LPP: variants seen among roughly 807,000 people sequenced by gnomAD.
LPP encodes LIM domain containing preferred translocation partner in lipoma.
In LPP, 38 loss-of-function variants were observed where a neutral mutation model predicts 60.4. The ratio of observed to expected loss-of-function variants is 0.63; its 90% CI spans 0.49 to 0.83. The LOEUF is 0.83. Among genes scored for constraint, LPP ranks in the 40% least tolerant of loss-of-function variants. The pLI is 0.00. For missense variants in LPP, 902 were observed against 783.6 expected, an observed-to-expected ratio of 1.15 and a Z score of -1.80; for synonymous variants, 328 against 290.8, an observed-to-expected ratio of 1.13 and a Z score of -1.30.
intron 2 of LPP, among the ~76,000 whole-genome samples, chr3:188,287,485 C>A (rs1391836775): frequency 6.6e-6 from 1 of 152,208 alleles, no homozygotes; most frequent in African/African-American, 2.4e-5. Flanking sequence ...ACTCTTCCCT[C>A]CTGTCAGGTG....
chr3:188,633,838 C>T (rs1025253423), intron 7 of LPP, among the ~76,000 whole-genome samples: 1 of 152,118 alleles, frequency 6.6e-6, no homozygotes, highest in Admixed American at 6.6e-5. Context: ...GTATAATGTA[C>T]TATAGAGTTA....
intron 7 of LPP, among the ~76,000 whole-genome samples, chr3:188,670,074 TG>T (rs1856661862): frequency 6.6e-6 from 1 of 151,814 alleles, no homozygotes; most frequent in South Asian, 2.1e-4. Context: ...GGACACAGGG[TG>T]AGGAACTTCA....
At chr3:188,154,620 C>T (rs930480657) in intron 1 of LPP, among the ~76,000 whole-genome samples, 2 of 152,218 alleles carry the variant, frequency 1.3e-5, no homozygotes, top group Non-Finnish European at 2.9e-5. Context: ...CAAGTCCTCC[C>T]ATTTTACAGT....
intron 3 of LPP, among the ~76,000 whole-genome samples, chr3:188,353,173 T>G (rs1766450341): frequency 6.6e-6 from 1 of 152,186 alleles, no homozygotes; most frequent in Non-Finnish European, 1.5e-5. Context: ...GCCACAAGAT[T>G]ACAGGGTCCT....
At position 188,217,552 on chromosome 3, in the gene LPP, C is replaced by T. The variant is rs1250022373; in HGVS notation, c.-189-7853C>T. Among the ~76,000 whole-genome samples the T allele has an allele frequency of 3.9e-5, 6 of 151,908 alleles. No homozygotes were observed. Among genetic ancestry groups the T allele is most frequent in the African/African-American group, 7.3e-5 (3 of 41,342 alleles). On this transcript the variant is annotated intron_variant, in intron 1 of 11. Transcript: ENST00000617246. This position sits in a 1 kb window ranked among gnomAD's most constrained non-coding sequence, Gnocchi z 4.0. ...CAAGAAGGTTAGGCTAGACTTTTAC[C>T]GTAATTCAGGTGTGATGTGGTGGTA...
intron 6 of LPP, among the ~76,000 whole-genome samples, chr3:188,540,365 A>G (rs1445277102): frequency 6.6e-6 from 1 of 152,210 alleles, no homozygotes; most frequent in Non-Finnish European, 1.5e-5. Flanking sequence ...TTGATGATAT[A>G]CAACCCAATT....
At chr3:188,257,659 A>C (rs1414644356) in intron 2 of LPP, among the ~76,000 whole-genome samples, 1 of 152,198 alleles carries the variant, frequency 6.6e-6, no homozygotes, top group African/African-American at 2.4e-5. Flanking sequence ...TGCAATTTTG[A>C]AGACAACTTC....
chr3:188,889,504 C>G lies in LPP; in HGVS notation c.*15025C>G, dbSNP rs1287302540. 1 of 230,268 alleles carries G rather than the reference C, an allele frequency of 4.3e-6. No homozygotes were observed. Among genetic ancestry groups the G allele is most frequent in the Non-Finnish European group, 8.6e-6 (1 of 116,228 alleles). The allele number at this position is 230,268 out of a possible 1,614,324, so 14.3% of individuals were successfully genotyped here. On this transcript the variant is annotated 3_prime_UTR_variant, in exon 12 of 12. Coordinates refer to ENST00000617246, the MANE Select transcript of LPP (RefSeq NM_001375462.1). ...TTGGCTCCATATTCACTTGAATATG[C>G]CTCTGTTTGGGCAAAGCAAGATACC...
chr3:188,719,519 T>C (rs1715475493), intron 8 of LPP, among the ~76,000 whole-genome samples: 1 of 152,184 alleles, frequency 6.6e-6, no homozygotes, highest in Non-Finnish European at 1.5e-5. Flanking sequence ...GAAGAGAGAT[T>C]TCTACTTCAT....
chr3:188,675,515 A>T lies in LPP; in HGVS notation c.1114-32752A>T, dbSNP rs140607669. 5.7e-3 allele frequency among the ~76,000 whole-genome samples: 871 copies of T among 152,346 alleles called. 9 individuals carry two copies. The highest frequency in any genetic ancestry group is 0.02 in the African/African-American group (834 of 41,582). ...TGCCTTCTGGATGATGTATGTTTGT[A>T]TATGAAGGACAACACATCAAGGGGT... is the stretch of plus-strand genomic sequence containing the variant. On this transcript the variant is annotated intron_variant, in intron 7 of 11. Transcript: ENST00000617246.
chr3:188,225,127 A>C (rs1717263305), intron 1 of LPP, among the ~76,000 whole-genome samples: 1 of 152,106 alleles, frequency 6.6e-6, no homozygotes, highest in African/African-American at 2.4e-5. Flanking sequence ...CTACAATTTG[A>C]GTATCTAACT....
chr3:188,337,053 T>C (rs577775800), intron 2 of LPP, among the ~76,000 whole-genome samples: 45 of 152,262 alleles, frequency 3.0e-4, no homozygotes, highest in African/African-American at 1.0e-3. Flanking sequence ...GCTTCAGCAC[T>C]GGCCTGAAGG....
At chr3:188,733,864 G>A (rs1410053378) in intron 8 of LPP, among the ~76,000 whole-genome samples, 2 of 152,116 alleles carry the variant, frequency 1.3e-5, no homozygotes, top group African/African-American at 4.8e-5. Flanking sequence ...ATTGTCTACT[G>A]TTGTTACTAT....
At chr3:188,198,804 C>T (rs909335960) in intron 1 of LPP, among the ~76,000 whole-genome samples, 3 of 152,136 alleles carry the variant, frequency 2.0e-5, no homozygotes, top group African/African-American at 7.2e-5. Flanking sequence ...CCATGAAAAA[C>T]GTGGGTCACC....
intron 5 of LPP, among the ~76,000 whole-genome samples, chr3:188,488,020 CT>C (rs5855202): frequency 0.56 from 76,452 of 136,206 alleles, 20,827 homozygotes; most frequent in East Asian, 0.82. Context: ...AATTAATTTC[CT>C]TTTTTTTTTT....
At chr3:188,667,477 C>CA (rs558923211) in intron 7 of LPP, among the ~76,000 whole-genome samples, 39,635 of 139,120 alleles carry the variant, frequency 0.28, 6,046 homozygotes, top group Non-Finnish European at 0.37. Context: ...TACTCTGTCT[C>CA]AAAAAAAAAA....
At chr3:188,761,375 G>A (rs948853968) in intron 9 of LPP, among the ~76,000 whole-genome samples, 3 of 152,120 alleles carry the variant, frequency 2.0e-5, no homozygotes, top group African/African-American at 4.8e-5. Flanking sequence ...TTAAGGCTTC[G>A]TAGGATTAAA....
At chr3:188,470,581 C>T (rs1003832987) in intron 4 of LPP, among the ~76,000 whole-genome samples, 3 of 152,052 alleles carry the variant, frequency 2.0e-5, no homozygotes, top group Non-Finnish European at 4.4e-5. Context: ...AGGTAAATGT[C>T]TCATGAATAT....
At chr3:188,220,993 C>A (rs181271430) in intron 1 of LPP, among the ~76,000 whole-genome samples, 2 of 152,262 alleles carry the variant, frequency 1.3e-5, no homozygotes, top group Non-Finnish European at 2.9e-5. Context: ...ATTTAACTTT[C>A]TATTGTGTCA....
Sources: gnomAD v4.1 joint callset for allele counts (sites outside exome capture counted in the v4.1 genomes callset) on GRCh38, gnomAD v4.1.1 for gene constraint, Gnocchi (gnomAD v3.1) non-coding constraint, MANE v1.5 for transcripts, NCBI Gene and HGNC (gene_info 2026-07-23, HGNC 2026-07-21) for gene names.